SMC6: variants seen among roughly 807,000 people sequenced by gnomAD.
SMC6 encodes the protein structural maintenance of chromosomes protein 6.
A neutral mutation model predicts 142.2 loss-of-function variants in SMC6; 79 were observed. That is an observed-to-expected ratio of 0.56 (90% CI 0.46 to 0.67). SMC6 has a LOEUF of 0.67. Ranked by LOEUF, SMC6 falls within the 30% of genes least tolerant of loss-of-function variation. The pLI is 0.00. For missense variants in SMC6, 1,072 were observed against 1,284.0 expected, an observed-to-expected ratio of 0.83 and a Z score of 2.52; for synonymous variants, 411 against 412.4, an observed-to-expected ratio of 1.00 and a Z score of 0.04.
At position 17,670,479 on chromosome 2, in the gene SMC6, G is replaced by C; in HGVS notation, c.3007C>G (p.Leu1003Val). 3 of 1,613,574 alleles carry C rather than the reference G, an allele frequency of 1.9e-6. No individual in the cohort carries two copies. Among genetic ancestry groups the C allele is most frequent in the Non-Finnish European group, 2.5e-6 (3 of 1,179,790 alleles). Reference protein sequence around the residue: ...SFSTVCFILSLWSIAESPFRC... With the variant: ...SFSTVCFILSVWSIAESPFRC... Reference sequence around the variant, plus strand: ...AAAGGAGATTCTGCGATGGACCACAGGGAAAGAATAAAACACACTGTGGAG... The same window carrying C: ...AAAGGAGATTCTGCGATGGACCACACGGAAAGAATAAAACACACTGTGGAG... The change falls in exon 26 of 28, where the codon CTG becomes GTG. Residue 1003 changes from leucine to valine, a missense_variant. Coordinates refer to ENST00000448223, the MANE Select transcript of SMC6 (RefSeq NM_001142286.2).
intron 16 of SMC6, chr2:17,713,414 C>T (rs1343524100): frequency 1.1e-5 from 5 of 465,940 alleles, no homozygotes; most frequent in South Asian, 7.8e-5. Flanking sequence ...CATTATGACA[C>T]ATACACTGGA....
intron 25 of SMC6, among the ~76,000 whole-genome samples, chr2:17,670,943 C>T (rs1333434962): frequency 6.6e-6 from 1 of 152,032 alleles, no homozygotes; most frequent in African/African-American, 2.4e-5. Flanking sequence ...CTCACTGCAA[C>T]CTCTGTCTCC....
intron 16 of SMC6, among the ~76,000 whole-genome samples, chr2:17,714,373 C>A (rs1335134308): frequency 6.6e-6 from 1 of 152,140 alleles, no homozygotes; most frequent in Non-Finnish European, 1.5e-5. Flanking sequence ...GGATTACAGG[C>A]ATGAGCCCCT....
intron 22 of SMC6, 106 bp from the exon 23 acceptor site, chr2:17,695,403 G>A: frequency 1.2e-6 from 1 of 854,986 alleles, no homozygotes; most frequent in South Asian, 1.9e-5. Flanking sequence ...TCATTTTTAA[G>A]AAATGTATTT....
intron 9 of SMC6, among the ~76,000 whole-genome samples, chr2:17,722,484 C>T (rs1036539169): frequency 6.6e-6 from 1 of 152,116 alleles, no homozygotes; most frequent in Non-Finnish European, 1.5e-5. Context: ...AATACCCATC[C>T]CTTGGCACCA....
intron 3 of SMC6, among the ~76,000 whole-genome samples, chr2:17,744,239 C>G (rs1251789871): frequency 6.6e-6 from 1 of 152,076 alleles, no homozygotes; most frequent in Non-Finnish European, 1.5e-5. Context: ...ATTTGGTGCT[C>G]TCAGTGGTTT....
intron 2 of SMC6, among the ~76,000 whole-genome samples, chr2:17,748,068 T>C (rs1670846846): frequency 6.6e-6 from 1 of 152,174 alleles, no homozygotes; most frequent in African/African-American, 2.4e-5. Flanking sequence ...CATGATACAG[T>C]GTCATAAATT....
chr2:17,747,037 A>G (rs1490269194), intron 2 of SMC6, among the ~76,000 whole-genome samples: 2 of 152,192 alleles, frequency 1.3e-5, no homozygotes, highest in Admixed American at 6.5e-5. Flanking sequence ...TGAGGCTACA[A>G]GGTGGCATCT....
chr2:17,701,952 T>C, intron 19 of SMC6, 43 bp from the exon 20 acceptor site: 1 of 1,030,186 alleles, frequency 9.7e-7, no homozygotes, highest in Non-Finnish European at 1.4e-6. Context: ...AAAAAAAAAT[T>C]TAAACCGAAA....
chr2:17,704,491 C>G (rs1192589080), intron 18 of SMC6, among the ~76,000 whole-genome samples: 1 of 152,190 alleles, frequency 6.6e-6, no homozygotes, highest in Non-Finnish European at 1.5e-5. Context: ...CCTCACTAAT[C>G]CAAGTATCTG....
intron 25 of SMC6, among the ~76,000 whole-genome samples, chr2:17,671,608 C>CAAA (rs373510441): frequency 1.2e-3 from 99 of 83,348 alleles, no homozygotes; most frequent in African/African-American, 4.3e-3. Flanking sequence ...GACCCCGTCT[C>CAAA]AAAAAAAAAA....
At chr2:17,745,201 GT>G (rs1394032531) in intron 3 of SMC6, among the ~76,000 whole-genome samples, 1 of 152,042 alleles carries the variant, frequency 6.6e-6, no homozygotes, top group Non-Finnish European at 1.5e-5. Context: ...TCATTGTCTG[GT>G]TTTGGCATCA....
intron 24 of SMC6, among the ~76,000 whole-genome samples, chr2:17,682,597 G>C (rs1667282064): frequency 6.6e-6 from 1 of 152,134 alleles, no homozygotes; most frequent in Non-Finnish European, 1.5e-5. Flanking sequence ...AATTCCGACA[G>C]CTCACACACG....
intron 26 of SMC6, among the ~76,000 whole-genome samples, chr2:17,670,148 G>C (rs1315595923): frequency 6.6e-6 from 1 of 152,170 alleles, no homozygotes; most frequent in African/African-American, 2.4e-5. Context: ...GGGAGAGAGG[G>C]TGAGGGAGAA....
At chr2:17,717,064 A>C (rs765214994) in intron 13 of SMC6, 24 bp downstream of exon 13, 1 of 1,598,408 alleles carries the variant, frequency 6.3e-7, no homozygotes, top group Non-Finnish European at 8.5e-7. Flanking sequence ...GATAGCCATG[A>C]AAATTTCAAA....
chr2:17,710,170 T>C (rs899367928), intron 16 of SMC6, among the ~76,000 whole-genome samples: 1 of 152,210 alleles, frequency 6.6e-6, no homozygotes, highest in Non-Finnish European at 1.5e-5. Context: ...AACATGATGA[T>C]GGCGTGAGCC....
intron 25 of SMC6, 84 bp downstream of exon 25, chr2:17,678,775 C>A: frequency 9.9e-7 from 1 of 1,007,334 alleles, no homozygotes; most frequent in Non-Finnish European, 1.5e-6. Flanking sequence ...GACTCTGCCT[C>A]TAAAAAAAAC....
intron 2 of SMC6, among the ~76,000 whole-genome samples, chr2:17,749,266 C>T (rs1344566923): frequency 2.0e-5 from 3 of 151,958 alleles, no homozygotes; most frequent in Non-Finnish European, 4.4e-5. Context: ...CCATAAAGCT[C>T]GTCATAGTTT....
rs972401880 is a variant in SMC6 at position 17,690,075 on chromosome 2, G to A, written c.2678+5077C>T. Among the ~76,000 whole-genome samples, 4 of 152,076 alleles carry A rather than the reference G, an allele frequency of 2.6e-5. No individual in the cohort carries two copies. The East Asian group carries it at 7.7e-4, about 29-fold the overall frequency. On this transcript the variant is annotated intron_variant, in intron 23 of 27. Coordinates refer to ENST00000448223, the MANE Select transcript of SMC6 (RefSeq NM_001142286.2). Reference sequence around the variant, plus strand: ...GAAAATCCACTAGGATTAAAATTTCGTTTGAGCTCCAGTTGCTTCTTAAAT... The same window carrying A: ...GAAAATCCACTAGGATTAAAATTTCATTTGAGCTCCAGTTGCTTCTTAAAT...
Sources: allele counts gnomAD v4.1 joint callset (sites outside exome capture counted in the v4.1 genomes callset), GRCh38; gene constraint gnomAD v4.1.1; transcripts MANE v1.5; gene names NCBI Gene and HGNC (gene_info 2026-07-23, HGNC 2026-07-21).